The following PCSK6 variants were observed in gnomAD, a reference collection of about 807,000 sequenced individuals.
PCSK6 encodes the protein proprotein convertase subtilisin/kexin type 6.
A neutral mutation model predicts 123.3 loss-of-function variants in PCSK6; 85 were observed. The ratio of observed to expected loss-of-function variants is 0.69; its 90% CI spans 0.58 to 0.83. The LOEUF is 0.83. Ranked by LOEUF, PCSK6 falls within the 40% of genes least tolerant of loss-of-function variation. The pLI is 0.00. For synonymous variants in PCSK6, 508 were observed against 516.0 expected (o/e 0.98, Z 0.21); for missense variants, 1,191 against 1,282.3 (o/e 0.93, Z 1.09).
chr15:101,352,736 T>G (rs1186108312), intron 13 of PCSK6, among the ~76,000 whole-genome samples: 1 of 152,250 alleles, frequency 6.6e-6, no homozygotes, highest in Non-Finnish European at 1.5e-5. Context: ...CTATTATCTG[T>G]GCCCATTCTT....
At position 101,464,411 on chromosome 15, in the gene PCSK6, C is replaced by T. The variant is rs547609986; in HGVS notation, c.298-20751G>A. 5.3e-5 allele frequency among the ~76,000 whole-genome samples: 8 copies of T among 152,176 alleles called. No individual in the cohort carries two copies. The South Asian group carries it at 6.2e-4, about 12-fold the overall frequency. ...GTCATTTAATGTGAACCTTGAACAT[C>T]GAGGGGTGTGTATAGTCTACAAGAT... On this transcript the variant is annotated intron_variant, in intron 1 of 21. Transcript: ENST00000611716.
chr15:101,334,806 G>A (rs1471669574), intron 13 of PCSK6, among the ~76,000 whole-genome samples: 1 of 152,204 alleles, frequency 6.6e-6, no homozygotes, highest in Admixed American at 6.5e-5. Context: ...CCACACTCAG[G>A]GTCAGTGGTG....
chr15:101,374,773 C>T (rs879307051), intron 11 of PCSK6, among the ~76,000 whole-genome samples: 2 of 152,154 alleles, frequency 1.3e-5, no homozygotes, highest in Non-Finnish European at 2.9e-5. Context: ...AACAGCAGGT[C>T]GGAGGGCACA....
chr15:101,366,884 G>C (rs1194921281), intron 12 of PCSK6, among the ~76,000 whole-genome samples: 1 of 152,232 alleles, frequency 6.6e-6, no homozygotes, highest in African/African-American at 2.4e-5. Context: ...ACTGTTCTCT[G>C]GGAGACACAA....
chr15:101,386,248 C>T (rs1051475723), intron 9 of PCSK6, among the ~76,000 whole-genome samples: 3 of 152,106 alleles, frequency 2.0e-5, no homozygotes, highest in Admixed American at 1.3e-4. Context: ...GGCCTGGAGA[C>T]GCAGAAGAGA....
chr15:101,418,600 T>C (rs1372943646), intron 6 of PCSK6, among the ~76,000 whole-genome samples: 1 of 151,610 alleles, frequency 6.6e-6, no homozygotes, highest in Admixed American at 6.6e-5. Flanking sequence ...GCAGCCTTTG[T>C]CTCCCAGGTT....
intron 11 of PCSK6, among the ~76,000 whole-genome samples, chr15:101,372,893 T>G (rs914540477): frequency 6.6e-6 from 1 of 152,104 alleles, no homozygotes; most frequent in Non-Finnish European, 1.5e-5. Context: ...AACCAATTGC[T>G]CATCGGTAGG....
intron 13 of PCSK6, among the ~76,000 whole-genome samples, chr15:101,356,624 G>A (rs373815704): frequency 6.6e-6 from 1 of 151,686 alleles, no homozygotes; most frequent in Admixed American, 6.6e-5. Flanking sequence ...AGGTTGCAGT[G>A]AGCCGAGATT....
intron 13 of PCSK6, among the ~76,000 whole-genome samples, chr15:101,343,215 G>GTAT (rs1567153230): frequency 2.0e-5 from 3 of 151,942 alleles, no homozygotes; most frequent in African/African-American, 7.3e-5. Context: ...ATAATCATGC[G>GTAT]TTTTTCTTTC....
rs756421144 is a variant in PCSK6 at position 101,393,260 on chromosome 15, G to A, written c.1161C>T (p.Ser387=). 3 of 1,613,550 alleles carry A rather than the reference G, an allele frequency of 1.9e-6. No individual in the cohort carries two copies. Among genetic ancestry groups the A allele is most frequent in the Non-Finnish European group, 2.5e-6 (3 of 1,179,928 alleles). The change falls in exon 8 of 22, where the codon TCC becomes TCT. Residue 387 remains serine (S), a synonymous_variant. Coordinates refer to ENST00000611716, the MANE Select transcript of PCSK6 (RefSeq NM_002570.5). ...YKPWYLEECA[S]TLATTYSSGA... is the part of the protein sequence containing the mutation. ...CACTGCTGTAGGTGGTGGCCAGGGT[G>A]GAGGCACACTCTTCCAGGTACCAGG...
At chr15:101,342,353 T>C (rs1295294225) in intron 13 of PCSK6, among the ~76,000 whole-genome samples, 2 of 152,026 alleles carry the variant, frequency 1.3e-5, no homozygotes, top group African/African-American at 4.8e-5. Context: ...AAATTAAGGA[T>C]GCATATTGTA....
At chr15:101,488,855 C>T (rs2058085102) in intron 1 of PCSK6, among the ~76,000 whole-genome samples, 1 of 151,362 alleles carries the variant, frequency 6.6e-6, no homozygotes, top group South Asian at 2.1e-4. Context: ...AGACGCCGGG[C>T]CACGCTCATG....
At chr15:101,347,611 C>T in intron 13 of PCSK6, 1 of 1,530,302 alleles carries the variant, frequency 6.5e-7, no homozygotes, top group Non-Finnish European at 8.9e-7. Context: ...GTCCAAAGTG[C>T]TGAGCCTCTG....
chr15:101,422,669 G>A (rs1231811208), intron 6 of PCSK6, among the ~76,000 whole-genome samples: 1 of 151,588 alleles, frequency 6.6e-6, no homozygotes, highest in Admixed American at 6.6e-5. Flanking sequence ...CGCCCAGGCT[G>A]GAGTGCAGTT....
At chr15:101,313,643 G>T in intron 19 of PCSK6, 138 bp from the exon 20 acceptor site, 1 of 1,335,282 alleles carries the variant, frequency 7.5e-7, no homozygotes, top group Non-Finnish European at 1.0e-6. Context: ...CATTTCCCAG[G>T]TTCTGTGAGC....
chr15:101,313,024 C>G, intron 20 of PCSK6: 2 of 1,176,388 alleles, frequency 1.7e-6, no homozygotes, highest in Non-Finnish European at 2.1e-6. Context: ...TTTTTTTTAA[C>G]CCAAAACATG....
chr15:101,404,346 G>A (rs912964482), intron 6 of PCSK6, among the ~76,000 whole-genome samples: 17 of 152,284 alleles, frequency 1.1e-4, no homozygotes, highest in African/African-American at 4.1e-4. Context: ...ACTGTATTTT[G>A]TCCTTTCTGG....
chr15:101,308,979 G>A (rs1041465259), intron 20 of PCSK6: 2 of 152,332 alleles, frequency 1.3e-5, no homozygotes, highest in Non-Finnish European at 2.9e-5. Context: ...CTGTGGTGAG[G>A]AGCGCGCTGC....
At chr15:101,325,467 G>A (rs917581668) in intron 16 of PCSK6, among the ~76,000 whole-genome samples, 2 of 152,162 alleles carry the variant, frequency 1.3e-5, no homozygotes, top group Non-Finnish European at 2.9e-5. Context: ...GCTCGAGGAC[G>A]CCACGAGAGC....
Sources: allele counts gnomAD v4.1 joint callset (sites outside exome capture counted in the v4.1 genomes callset), GRCh38; gene constraint gnomAD v4.1.1; transcripts MANE v1.5; gene names NCBI Gene and HGNC (gene_info 2026-07-23, HGNC 2026-07-21).